The following HSPG2 variants were observed in gnomAD, a reference collection of about 807,000 sequenced individuals.
HSPG2 encodes heparan sulfate proteoglycan 2, also known as basement membrane-specific heparan sulfate proteoglycan core protein.
HSPG2 carries 278 observed loss-of-function variants against 526.6 expected under a neutral mutation model. The ratio of observed to expected loss-of-function variants is 0.53; its 90% CI spans 0.48 to 0.58. HSPG2 has a LOEUF of 0.58. HSPG2 is among the 20% of genes least tolerant of loss of function. HSPG2 has a pLI of 0.00. For synonymous variants in HSPG2, 2,465 were observed against 2,555.4 expected (o/e 0.96, Z 1.07); for missense variants, 5,354 against 6,099.5 (o/e 0.88, Z 4.07).
intron 77 of HSPG2, 129 bp downstream of exon 77, chr1:21,834,550 A>G (rs2098018425): frequency 8.6e-7 from 1 of 1,162,398 alleles, no homozygotes; most frequent in Admixed American, 2.0e-5. Context: ...CCTGCCCCTT[A>G]AACACACACA....
chr1:21,872,754 C>T lies in HSPG2; in HGVS notation c.3895G>A (p.Val1299Met), dbSNP rs1330447351. The T allele has an allele frequency of 6.2e-7, 1 of 1,608,158 alleles. No homozygotes were observed. The highest frequency in any genetic ancestry group is 8.5e-7 in the Non-Finnish European group (1 of 1,178,168). The change falls in exon 32 of 97, where the codon GTG becomes ATG. Residue 1299 changes from valine (V) to methionine (M), a missense_variant. Physicochemically the swap from Val to Met is conservative, Grantham distance 21 (BLOSUM62 1). Transcript: ENST00000374695. This position sits in a 1 kb window ranked among gnomAD's most constrained non-coding sequence, Gnocchi z 5.5. The stretch of plus-strand genomic sequence containing the variant: ...CAGTGGCTGCAAGTGAGGCCTTCCA[C>T]CTGGGCCTGGGTAGACGGATGGAAG... Reference protein sequence around the residue: ...AAGQCQCKAQVEGLTCSHCRP... With the variant: ...AAGQCQCKAQMEGLTCSHCRP...
rs147516106 is a variant in HSPG2, at chr1:21,907,117, G to A, written c.64-10807C>T. Among the ~76,000 whole-genome samples the A allele has an allele frequency of 4.4e-3, 677 of 152,280 alleles. 10 individuals carry two copies. The highest frequency in any genetic ancestry group is 0.015 in the African/African-American group (625 of 41,556). ...GGCCATCAGTCTGCTCTCTCAGGGG[G>A]TGACTCCTGTCGGAGGTGAAAGAGA... On this transcript the variant is annotated intron_variant, in intron 1 of 96. Transcript: ENST00000374695.
At chr1:21,846,692 C>G in intron 62 of HSPG2, 93 bp from the exon 63 acceptor site, 2 of 1,385,930 alleles carry the variant, frequency 1.4e-6, no homozygotes, top group Non-Finnish European at 1.0e-6. Flanking sequence ...TCTCACCCCC[C>G]AGAGTAACAC....
intron 74 of HSPG2, 116 bp downstream of exon 74, chr1:21,838,709 G>T: frequency 9.0e-7 from 1 of 1,107,184 alleles, no homozygotes; most frequent in South Asian, 1.4e-5. Context: ...GGGGAGATGA[G>T]GGCATTCCAG....
intron 1 of HSPG2, among the ~76,000 whole-genome samples, chr1:21,907,912 T>A (rs1288005417): frequency 6.6e-6 from 1 of 152,234 alleles, no homozygotes; most frequent in African/African-American, 2.4e-5. Flanking sequence ...TTCTCCTCTC[T>A]GTGCCTCCGT....
At chr1:21,844,090 T>C (rs2152708499) in intron 65 of HSPG2, 58 bp downstream of exon 65, 4 of 1,599,050 alleles carry the variant, frequency 2.5e-6, no homozygotes, top group Non-Finnish European at 3.4e-6. Context: ...CAACGCTGGA[T>C]TCAGGCAGGA....
At position 21,848,768 on chromosome 1, in the gene HSPG2, T is replaced by A. The variant is rs1638653436; in HGVS notation, c.7612A>T (p.Ile2538Phe). 3.1e-6 allele frequency: 5 copies of A among 1,613,660 alleles called. No individual in the cohort carries two copies. The highest frequency in any genetic ancestry group is 4.2e-6 in the Non-Finnish European group (5 of 1,179,974). ...GCCAGGGAGGCTGAGGAGGACTCGA[T>A]GCGGACGGGGTACGCCACACCCTGG... is the stretch of plus-strand genomic sequence containing the variant. ...HSQGVAYPVR[I>F]ESSSASLANG... The change falls in exon 59 of 97, where the codon ATC becomes TTC. Residue 2538 changes from isoleucine (I) to phenylalanine (F), a missense_variant. Physicochemically the swap from Ile to Phe is conservative, Grantham distance 21 (BLOSUM62 0). Coordinates refer to ENST00000374695, the MANE Select transcript of HSPG2 (RefSeq NM_005529.7). This position sits in a 1 kb window ranked among gnomAD's most constrained non-coding sequence, Gnocchi z 4.9.
chr1:21,838,885 G>T lies in HSPG2; in HGVS notation c.10090C>A (p.Arg3364Ser). ...RAAPEDSGRYRCRVTNKVGSA... is the reference protein window; with the variant it reads ...RAAPEDSGRYSCRVTNKVGSA... ...CCCACCTTGTTGGTGACCCGGCAGC[G>T]GTAGCGGCCTGAGTCCTCAGGGGCT... The change falls in exon 74 of 97, where the codon CGC becomes AGC. Residue 3364 changes from arginine (R) to serine (S), a missense_variant. Arg to Ser is a moderately radical substitution (Grantham distance 110, BLOSUM62 -1). Coordinates refer to ENST00000374695, the MANE Select transcript of HSPG2 (RefSeq NM_005529.7). The T allele has an allele frequency of 6.2e-7, 1 of 1,612,600 alleles. No homozygotes were observed. Among genetic ancestry groups the T allele is most frequent in the Non-Finnish European group, 8.5e-7 (1 of 1,179,628 alleles).
Position 21,829,521 on chromosome 1 carries a change from G to A in HSPG2, c.11854C>T (p.Arg3952Cys), listed in dbSNP as rs1187654984. 41 of 1,613,020 alleles carry A rather than the reference G, an allele frequency of 2.5e-5. No homozygotes were observed. Among genetic ancestry groups the A allele is most frequent in the Admixed American group, 5.0e-5 (3 of 59,994 alleles). The change falls in exon 87 of 97, where the codon CGC becomes TGC. Residue 3952 changes from arginine (R) to cysteine (C), a missense_variant. By Grantham distance (180) the Arg-to-Cys change is radical. Coordinates refer to ENST00000374695, the MANE Select transcript of HSPG2 (RefSeq NM_005529.7). ...PALTNTHHEL[R>C]LDVEFKPLAP... is the part of the protein sequence containing the mutation. ...AGTGGCTTGAACTCCACGTCCAGGCGTAGCTCGTGGTGTGTGTTGGTGAGG... is the reference window on the plus strand; with the variant it reads ...AGTGGCTTGAACTCCACGTCCAGGCATAGCTCGTGGTGTGTGTTGGTGAGG...
intron 65 of HSPG2, 82 bp from the exon 66 acceptor site, chr1:21,843,520 T>C (rs939633702): frequency 6.2e-6 from 9 of 1,455,278 alleles, no homozygotes; most frequent in Non-Finnish European, 7.5e-6. Context: ...ACCCTGGGAC[T>C]GCCATGCACA....
rs1640133555 is a variant in HSPG2, at chr1:21,865,241, A to AGGGTG, written c.4395+39_4395+43dup. ...AAAGCCAGGCTCTGAGTCAGGGTGG[A>AGGGTG]GGGTGGGGTGGGGTTAGACACAGCA... On this transcript the variant is annotated intron_variant, in intron 35 of 96. Transcript: ENST00000374695. The surrounding 1 kb of genome is among the most constrained non-coding windows in gnomAD (Gnocchi z 5.4). 1 of 1,580,274 alleles carries AGGGTG rather than the reference A, an allele frequency of 6.3e-7. No homozygotes were observed. Among genetic ancestry groups the AGGGTG allele is most frequent in the Admixed American group, 1.7e-5 (1 of 59,756 alleles).
In HSPG2 at chr1:21,872,828, G is replaced by A; in HGVS notation, c.3889-68C>T. ...GTCTCCTGCACCCCCAGCAGCCTGA[G>A]GCCAGCCTCCCTGGCCACTTCCAGC... On this transcript the variant is annotated intron_variant, in intron 31 of 96. Coordinates refer to ENST00000374695, the MANE Select transcript of HSPG2 (RefSeq NM_005529.7). The surrounding 1 kb of genome is among the most constrained non-coding windows in gnomAD (Gnocchi z 5.5). The A allele has an allele frequency of 6.3e-7, 1 of 1,580,412 alleles. No homozygotes were observed. Among genetic ancestry groups the A allele is most frequent in the East Asian group, 2.3e-5 (1 of 43,608 alleles).
rs749241513 is a variant in HSPG2, at chr1:21,853,024, G to A, written c.6486C>T (p.His2162=). Reference sequence around the variant, plus strand: ...GATCCAGGGTCTGCCCTTCCGCCACGTGTGAGGAGGAGGGCTCGATGCGGA... The same window carrying A: ...GATCCAGGGTCTGCCCTTCCGCCACATGTGAGGAGGAGGGCTCGATGCGGA... ...RPIRIEPSSS[H]VAEGQTLDLN... is the part of the protein sequence containing the mutation. The change falls in exon 51 of 97, where the codon CAC becomes CAT. Residue 2162 remains histidine, a synonymous_variant. Coordinates refer to ENST00000374695, the MANE Select transcript of HSPG2 (RefSeq NM_005529.7). The A allele has an allele frequency of 1.3e-5, 21 of 1,613,772 alleles. No homozygotes were observed. The highest frequency in any genetic ancestry group is 1.2e-4 in the South Asian group (11 of 91,080).
intron 6 of HSPG2, among the ~76,000 whole-genome samples, chr1:21,888,296 T>G (rs1642092782): frequency 6.6e-6 from 1 of 152,126 alleles, no homozygotes; most frequent in African/African-American, 2.4e-5. Context: ...CCACACACAG[T>G]TGACATGCCA....
intron 1 of HSPG2, among the ~76,000 whole-genome samples, chr1:21,902,387 A>T (rs1643149983): frequency 6.6e-6 from 1 of 152,158 alleles, no homozygotes; most frequent in Admixed American, 6.5e-5. Flanking sequence ...ACACGCATCC[A>T]GGGCTTCTTT....
intron 1 of HSPG2, among the ~76,000 whole-genome samples, chr1:21,909,923 G>GT (rs1202129273): frequency 6.6e-6 from 1 of 152,220 alleles, no homozygotes; most frequent in Non-Finnish European, 1.5e-5. Context: ...GTCCCTGGGA[G>GT]TCCCCCACCC....
intron 20 of HSPG2, 61 bp downstream of exon 20, chr1:21,878,372 G>A: frequency 6.3e-7 from 1 of 1,579,904 alleles, no homozygotes; most frequent in Non-Finnish European, 8.6e-7. Context: ...GAGGGTGCCT[G>A]GTGTGCAGCC....
At chr1:21,841,423 A>G in intron 70 of HSPG2, 116 bp downstream of exon 70, 2 of 1,564,818 alleles carry the variant, frequency 1.3e-6, no homozygotes, top group African/African-American at 2.7e-5. Flanking sequence ...AGGCTCAGAG[A>G]GGGAGAATGC....
intron 45 of HSPG2, 23 bp from the exon 46 acceptor site, chr1:21,855,698 G>T (rs1639286360): frequency 6.3e-7 from 1 of 1,585,634 alleles, no homozygotes. Flanking sequence ...CGTGGGGTCA[G>T]CACCCACCAA....
Sources: allele counts gnomAD v4.1 joint callset (sites outside exome capture counted in the v4.1 genomes callset), GRCh38; gene constraint gnomAD v4.1.1; non-coding constraint Gnocchi (gnomAD v3.1); transcripts MANE v1.5; gene names NCBI Gene and HGNC (gene_info 2026-07-23, HGNC 2026-07-21).